Variants in MDGA2 observed in about 807,000 individuals in gnomAD.
MDGA2 encodes the protein MAM domain-containing glycosylphosphatidylinositol anchor protein 2.
Under a neutral mutation model 117.8 loss-of-function variants are expected in MDGA2, and 40 were observed. That is an observed-to-expected ratio of 0.34 (90% CI 0.26 to 0.44). The LOEUF (loss-of-function observed/expected upper bound fraction) is 0.44, where lower values mean the gene tolerates loss of function less well. Ranked by LOEUF, MDGA2 falls within the 20% of genes least tolerant of loss-of-function variation. The probability of loss-of-function intolerance (pLI) is 1.00; values close to 1 mark genes in which losing one functional copy is unlikely to be tolerated. For missense variants in MDGA2, 1,123 were observed against 1,250.6 expected (o/e 0.90, Z 1.54); for synonymous variants, 452 against 439.0 (o/e 1.03, Z -0.37).
chr14:47,511,035 C>T (rs1010041183), intron 1 of MDGA2, among the ~76,000 whole-genome samples: 2 of 152,266 alleles, frequency 1.3e-5, no homozygotes, highest in Admixed American at 1.3e-4. Flanking sequence ...TTGTAATCCA[C>T]AGTTTTCTTA....
chr14:47,492,363 A>G (rs573828844), intron 1 of MDGA2, among the ~76,000 whole-genome samples: 1 of 152,254 alleles, frequency 6.6e-6, no homozygotes, highest in African/African-American at 2.4e-5. Context: ...GTTTAAGTAC[A>G]ATGTTCAATC....
chr14:47,297,438 T>G (rs1292320436), intron 2 of MDGA2, among the ~76,000 whole-genome samples: 140 of 70,462 alleles, frequency 2.0e-3, no homozygotes, highest in South Asian at 6.2e-3. Flanking sequence ...TGGAGGGGAG[T>G]GAAGGGAAGG....
chr14:47,223,619 AT>A (rs2139537225), intron 2 of MDGA2, among the ~76,000 whole-genome samples: 1 of 152,270 alleles, frequency 6.6e-6, no homozygotes, highest in South Asian at 2.1e-4. Context: ...CCCAGCTAAA[AT>A]TTGATAGTTA....
intron 1 of MDGA2, among the ~76,000 whole-genome samples, chr14:47,573,169 A>T (rs1167295240): frequency 6.6e-6 from 1 of 152,134 alleles, no homozygotes; most frequent in African/African-American, 2.4e-5. Flanking sequence ...GACTCATTTT[A>T]CACCCCTGGA....
intron 1 of MDGA2, among the ~76,000 whole-genome samples, chr14:47,463,066 TGGAAA>T (rs1224003223): frequency 1.3e-5 from 2 of 152,144 alleles, no homozygotes; most frequent in East Asian, 1.9e-4. Context: ...ATCTAAGACT[TGGAAA>T]GGAACAAGAT....
chr14:47,454,762 T>A (rs569234356), intron 1 of MDGA2, among the ~76,000 whole-genome samples: 1 of 152,200 alleles, frequency 6.6e-6, no homozygotes, highest in Admixed American at 6.5e-5. Flanking sequence ...TTCCCTCAAG[T>A]AATGAATGAT....
chr14:47,614,680 T>C (rs1296869445), intron 1 of MDGA2, among the ~76,000 whole-genome samples: 1 of 152,198 alleles, frequency 6.6e-6, no homozygotes, highest in Non-Finnish European at 1.5e-5. Flanking sequence ...TAAATCGCTA[T>C]CTGATCAGAT....
intron 9 of MDGA2, among the ~76,000 whole-genome samples, chr14:46,936,474 G>C (rs1884785523): frequency 6.6e-6 from 1 of 151,970 alleles, no homozygotes; most frequent in Non-Finnish European, 1.5e-5. Context: ...AATAATATGT[G>C]AAAAAATACC....
At chr14:47,607,981 T>C (rs985115342) in intron 1 of MDGA2, among the ~76,000 whole-genome samples, 1 of 152,068 alleles carries the variant, frequency 6.6e-6, no homozygotes, top group Non-Finnish European at 1.5e-5. Flanking sequence ...ACATTTATTG[T>C]TTTTTCCTAA....
rs2138306463 is a variant in MDGA2, at chr14:46,966,518, C to A, written c.1820-8875G>T. Among the ~76,000 whole-genome samples, 3 of 152,262 alleles carry A rather than the reference C, an allele frequency of 2.0e-5. 1 individual carries two copies. In the Middle Eastern group the frequency reaches 0.01, roughly 518 times the overall value. ...CTTTGTGGAAAGCATCAAAGTATTA[C>A]AACAAAACTACTAATTTAAAGAAAA... On this transcript the variant is annotated intron_variant, in intron 8 of 16. Transcript: ENST00000399232.
At chr14:47,104,669 C>T (rs953066030) in intron 5 of MDGA2, among the ~76,000 whole-genome samples, 5 of 151,966 alleles carry the variant, frequency 3.3e-5, no homozygotes, top group Non-Finnish European at 5.9e-5. Flanking sequence ...TTCACACGGA[C>T]GTGCATGAAA....
At position 47,561,153 on chromosome 14, in the gene MDGA2, G is replaced by GGTTTTTTTTTTTTTTTTTTTTTTT. The variant is rs1895797132; in HGVS notation, c.280+113363_280+113364insAAAAAAAAAAAAAAAAAAAAAAAC. On this transcript the variant is annotated intron_variant, in intron 1 of 16. Coordinates refer to ENST00000399232, the MANE Select transcript of MDGA2 (RefSeq NM_001113498.3). ...TACCTCTATCTTTGTTTTTTTTTTT[G>GGTTTTTTTTTTTTTTTTTTTTTTT]TTTTGTTTTGTTTTTTTGTTTGTTT... 4.4e-4 allele frequency among the ~76,000 whole-genome samples: 28 copies of GGTTTTTTTTTTTTTTTTTTTTTTT among 63,888 alleles called. 1 individual carries two copies. The highest frequency in any genetic ancestry group is 6.3e-3 in the Middle Eastern group (1 of 160). 41.9% of individuals were successfully genotyped at this position (63,888 alleles called of 152,430 possible).
chr14:47,102,087 T>C (rs1880355531), intron 5 of MDGA2, among the ~76,000 whole-genome samples: 1 of 152,174 alleles, frequency 6.6e-6, no homozygotes, highest in South Asian at 2.1e-4. Flanking sequence ...AAGCATCCTT[T>C]TTAAAATCTG....
intron 3 of MDGA2, among the ~76,000 whole-genome samples, chr14:47,213,132 C>CA (rs202033614): frequency 9.3e-5 from 14 of 150,968 alleles, no homozygotes; most frequent in East Asian, 1.9e-4. Context: ...GTGCATTAGC[C>CA]AAAAAAAACT....
chr14:46,842,012 A>C lies in MDGA2; in HGVS notation c.2997T>G (p.Val999=), dbSNP rs757549938. 6.2e-7 allele frequency: 1 copy of C among 1,609,548 alleles called. No homozygotes were observed. Among genetic ancestry groups the C allele is most frequent in the Non-Finnish European group, 8.5e-7 (1 of 1,176,734 alleles). ...GAACCAAAATCCCAACAGCACCATC[A>C]ACGGAATCTAAAGATAAGGAAAATA... The part of the protein sequence containing the change: ...AKQDLATKNS[V]DGAVGILVHI... The change falls in exon 17 of 17, where the codon GTT becomes GTG. Residue 999 remains valine (V), a synonymous_variant. Coordinates refer to ENST00000399232, the MANE Select transcript of MDGA2 (RefSeq NM_001113498.3).
chr14:47,154,282 T>C (rs1471894313), intron 3 of MDGA2, among the ~76,000 whole-genome samples: 1 of 152,190 alleles, frequency 6.6e-6, no homozygotes, highest in African/African-American at 2.4e-5. Context: ...GTGTTATACT[T>C]TGATGGCAGC....
chr14:47,509,719 T>G (rs1229397130), intron 1 of MDGA2, among the ~76,000 whole-genome samples: 1 of 152,210 alleles, frequency 6.6e-6, no homozygotes, highest in Non-Finnish European at 1.5e-5. Context: ...AGTTTGGAGT[T>G]AGGATCCATT....
At chr14:47,246,463 A>G (rs1887241030) in intron 2 of MDGA2, among the ~76,000 whole-genome samples, 1 of 151,770 alleles carries the variant, frequency 6.6e-6, no homozygotes, top group African/African-American at 2.4e-5. Flanking sequence ...AGGCAACTCA[A>G]AATGCTCGTG....
At chr14:47,343,894 C>T (rs561999058) in intron 1 of MDGA2, among the ~76,000 whole-genome samples, 1 of 152,058 alleles carries the variant, frequency 6.6e-6, no homozygotes, top group South Asian at 2.1e-4. Context: ...CCCTGAAAAC[C>T]AACAAAGCTA....
Sources: allele counts gnomAD v4.1 joint callset (sites outside exome capture counted in the v4.1 genomes callset), GRCh38; gene constraint gnomAD v4.1.1; transcripts MANE v1.5; gene names NCBI Gene and HGNC (gene_info 2026-07-23, HGNC 2026-07-21).